Variants in EFNB1 observed in about 807,000 individuals in gnomAD.
EFNB1 encodes ephrin-B1.
A neutral mutation model predicts 18.1 loss-of-function variants in EFNB1; 1 was observed. The ratio of observed to expected loss-of-function variants is 0.06; its 90% CI spans 0.02 to 0.26. The LOEUF (loss-of-function observed/expected upper bound fraction) is 0.26. EFNB1 is among the 10% of genes least tolerant of loss of function. The pLI, the probability that EFNB1 is intolerant of heterozygous loss-of-function variation, is 1.00. For synonymous variants in EFNB1, 131 were observed against 127.5 expected (o/e 1.03, Z -0.19); for missense variants, 221 against 301.8 (o/e 0.73, Z 1.98).
chrX:68,836,556 G>T (rs2080461199), intron 1 of EFNB1, among the ~76,000 whole-genome samples: 1 of 112,259 alleles, frequency 8.9e-6, no homozygotes. Context: ...TCGCCTACTT[G>T]GGTATCATTT....
At chrX:68,833,119 C>A (rs1602667860) in intron 1 of EFNB1, among the ~76,000 whole-genome samples, 1 of 110,951 alleles carries the variant, frequency 9.0e-6, no homozygotes, top group Non-Finnish European at 1.9e-5. Context: ...ACCCTTGACT[C>A]CAGCATGGGT....
intron 1 of EFNB1, among the ~76,000 whole-genome samples, chrX:68,830,789 G>A (rs1291887230): frequency 8.9e-6 from 1 of 112,784 alleles, no homozygotes; most frequent in Non-Finnish European, 1.9e-5. Context: ...TTCCCCAAGG[G>A]GTTGGGGCGG....
At position 68,840,422 on chromosome X, in the gene EFNB1, G is replaced by A. The variant is rs1234782645; in HGVS notation, c.809G>A (p.Arg270His). The A allele has an allele frequency of 1.5e-5, 18 of 1,210,635 alleles. No individual in the cohort carries two copies. The highest frequency in any genetic ancestry group is 1.2e-4 in the South Asian group (7 of 56,821). The stretch of plus-strand genomic sequence containing the variant: ...CTACTGAAGCTACGCAAGCGGCACC[G>A]CAAGCACACACAGCAGCGGGCGGCT... Reference protein sequence around the residue: ...VLLLKLRKRHRKHTQQRAAAL... With the variant: ...VLLLKLRKRHHKHTQQRAAAL... Residue 270 changes from arginine to histidine, a missense_variant, in exon 5 of 5, where the codon CGC (arginine) becomes CAC (histidine). By Grantham distance (29) the Arg-to-His change is conservative. Coordinates refer to ENST00000204961, the MANE Select transcript of EFNB1 (RefSeq NM_004429.5).
intron 1 of EFNB1, among the ~76,000 whole-genome samples, chrX:68,835,151 C>G (rs1410419465): frequency 9.0e-6 from 1 of 111,243 alleles, no homozygotes; most frequent in Non-Finnish European, 1.9e-5. Flanking sequence ...GCTGGAATAG[C>G]TTAGGCCGCC....
At chrX:68,833,753 G>A (rs943405112) in intron 1 of EFNB1, among the ~76,000 whole-genome samples, 3 of 112,480 alleles carry the variant, frequency 2.7e-5, no homozygotes, top group Admixed American at 9.4e-5. Flanking sequence ...AGGAATGTAA[G>A]CTCCTTCAGC....
intron 1 of EFNB1, 147 bp from the exon 2 acceptor site, chrX:68,838,470 A>T: frequency 1.5e-6 from 1 of 663,381 alleles, no homozygotes; most frequent in Non-Finnish European, 2.3e-6. Flanking sequence ...CCCCACCCCC[A>T]GCCTGAGGAT....
intron 1 of EFNB1, among the ~76,000 whole-genome samples, chrX:68,830,506 C>T (rs2080441967): frequency 8.8e-6 from 1 of 113,184 alleles, no homozygotes; most frequent in Non-Finnish European, 1.9e-5. Flanking sequence ...TTTCTCCCTG[C>T]CGGAGCGGTA....
chrX:68,832,671 T>A (rs2147974335), intron 1 of EFNB1, among the ~76,000 whole-genome samples: 1 of 112,106 alleles, frequency 8.9e-6, no homozygotes, highest in Non-Finnish European at 1.9e-5. Context: ...AAATTGGTGC[T>A]GGGGCCTTCT....
intron 1 of EFNB1, among the ~76,000 whole-genome samples, chrX:68,834,923 G>T (rs1314937365): frequency 8.9e-6 from 1 of 112,537 alleles, no homozygotes; most frequent in African/African-American, 3.2e-5. Context: ...CCTGTAAATT[G>T]TATTCACATG....
At chrX:68,838,200 G>A (rs1177201557) in intron 1 of EFNB1, among the ~76,000 whole-genome samples, 4 of 106,068 alleles carry the variant, frequency 3.8e-5, no homozygotes. Flanking sequence ...CGTGTGTATG[G>A]GTATAGGAGA....
intron 1 of EFNB1, among the ~76,000 whole-genome samples, chrX:68,835,127 G>T (rs2080457214): frequency 9.0e-6 from 1 of 111,273 alleles, no homozygotes; most frequent in Non-Finnish European, 1.9e-5. Context: ...TTGGGTTAGG[G>T]TAGAGGGGGA....
In EFNB1 at chrX:68,841,185, G is replaced by A. The variant is rs1411642744; in HGVS notation, c.*531G>A. 2.4e-5 allele frequency: 3 copies of A among 123,958 alleles called. No homozygotes were observed. The highest frequency in any genetic ancestry group is 2.4e-4 in the Admixed American group (3 of 12,447). The allele number at this position is 123,958 out of a possible 1,213,427, so 10.2% of individuals were successfully genotyped here. A position where few individuals can be genotyped will look rare whatever the true frequency, so the allele number is the denominator to read the frequency against. ...CGATGTGGTCAGCCAGGAAGCATAG[G>A]ATGCCATTTCTTTTATAGATTCCTT... On this transcript the variant is annotated 3_prime_UTR_variant, in exon 5 of 5. Transcript: ENST00000204961.
In EFNB1 at chrX:68,829,666, G is replaced by T. The variant is rs912572510; in HGVS notation, c.-111G>T. 78 of 1,126,890 alleles carry T rather than the reference G, an allele frequency of 6.9e-5. No homozygotes were observed. The African/African-American group carries it at 1.2e-3, about 18-fold the overall frequency. 92.9% of individuals were successfully genotyped at this position (1,126,890 alleles called of 1,213,427 possible). ...GGGGAGCACTTCAAGGCCGGCGGCTGCGGAGGATGGGCGCCTGAGCGGCTC... is the reference window on the plus strand; with the variant it reads ...GGGGAGCACTTCAAGGCCGGCGGCTTCGGAGGATGGGCGCCTGAGCGGCTC... On this transcript the variant is annotated 5_prime_UTR_variant, in exon 1 of 5. Transcript: ENST00000204961.
chrX:68,829,634 G>C lies in EFNB1; in HGVS notation c.-143G>C. 1 of 1,018,606 alleles carries C rather than the reference G, an allele frequency of 9.8e-7. No homozygotes were observed. Among genetic ancestry groups the C allele is most frequent in the South Asian group, 2.1e-5 (1 of 48,323 alleles). 83.9% of individuals were successfully genotyped at this position (1,018,606 alleles called of 1,213,427 possible). A position where few individuals can be genotyped will look rare whatever the true frequency, so the allele number is the denominator to read the frequency against. ...GGCGGAGAAGAGCGACACCGAAGCC[G>C]GCGGGAGGGGAGCACTTCAAGGCCG... On this transcript the variant is annotated 5_prime_UTR_variant, in exon 1 of 5. Transcript: ENST00000204961.
chrX:68,829,756 G>GTGCAGTCT lies in EFNB1; in HGVS notation c.-20_-13dup. ...TGAGGAGGCGCCAAGGGATCCCGAA[G>GTGCAGTCT]TGCAGTCTGCCCCCGGGAAGATGGC... On this transcript the variant is annotated 5_prime_UTR_variant, in exon 1 of 5. Transcript: ENST00000204961. 1 of 1,184,077 alleles carries GTGCAGTCT rather than the reference G, an allele frequency of 8.4e-7. No homozygotes were observed. The highest frequency in any genetic ancestry group is 1.1e-6 in the Non-Finnish European group (1 of 881,435).
intron 1 of EFNB1, 41 bp downstream of exon 1, chrX:68,829,945 C>CG (rs2080440070): frequency 8.6e-7 from 1 of 1,165,135 alleles, no homozygotes; most frequent in Admixed American, 2.6e-5. Flanking sequence ...GTGGGAGGCA[C>CG]TCCTTCAGGG....
chrX:68,837,404 C>T (rs1393021219), intron 1 of EFNB1, among the ~76,000 whole-genome samples: 1 of 111,914 alleles, frequency 8.9e-6, no homozygotes, highest in Non-Finnish European at 1.9e-5. Context: ...GCTCTTGCCA[C>T]CCCCACTTTA....
At chrX:68,839,539 C>A in intron 2 of EFNB1, 125 bp from the exon 3 acceptor site, 1 of 610,666 alleles carries the variant, frequency 1.6e-6, no homozygotes, top group African/African-American at 2.2e-5. Flanking sequence ...TAGATGGGAG[C>A]TGCTTGCTTC....
chrX:68,840,441 G>A lies in EFNB1; in HGVS notation c.828G>A (p.Arg276=), dbSNP rs183532593. 24 of 1,211,980 alleles carry A rather than the reference G, an allele frequency of 2.0e-5. No individual in the cohort carries two copies. Among genetic ancestry groups the A allele is most frequent in the Non-Finnish European group, 2.7e-5 (24 of 895,539 alleles). Residue 276 remains arginine (R), a synonymous_variant, in exon 5 of 5, where the codon CGG becomes CGA. Coordinates refer to ENST00000204961, the MANE Select transcript of EFNB1 (RefSeq NM_004429.5). ...GGCACCGCAAGCACACACAGCAGCG[G>A]GCGGCTGCCCTCTCGCTCAGTACCC... ...RKRHRKHTQQ[R]AAALSLSTLA...
Sources: allele counts gnomAD v4.1 joint callset (sites outside exome capture counted in the v4.1 genomes callset), GRCh38; gene constraint gnomAD v4.1.1; transcripts MANE v1.5; gene names NCBI Gene and HGNC (gene_info 2026-07-23, HGNC 2026-07-21).